The following GLIS3 variants were observed in gnomAD, a reference collection of about 807,000 sequenced individuals.
The protein encoded by GLIS3 is zinc finger protein GLIS3.
Under a neutral mutation model 78.6 loss-of-function variants are expected in GLIS3, and 53 were observed. The observed-to-expected ratio is 0.67, with a 90% CI of 0.54 to 0.85. The LOEUF (loss-of-function observed/expected upper bound fraction) is 0.85. Among genes scored for constraint, GLIS3 ranks in the 40% least tolerant of loss-of-function variants. The pLI is 0.00. For synonymous variants in GLIS3, 684 were observed against 509.9 expected (o/e 1.34, Z -4.60); for missense variants, 1,703 against 1,231.1 (o/e 1.38, Z -5.74).
Position 3,879,568 on chromosome 9 carries a change from C to A in GLIS3, c.2156G>T (p.Ser719Ile), listed in dbSNP as rs963677142. The A allele has an allele frequency of 1.2e-6, 2 of 1,614,042 alleles. No homozygotes were observed. Among genetic ancestry groups the A allele is most frequent in the Non-Finnish European group, 1.7e-6 (2 of 1,180,000 alleles). ...GGCCCCAGCAGCTGTTCCACTTCGG[C>A]TTGAATAATTGCTGGAGAAAATGGG... Reference protein sequence around the residue: ...SAPIFSSNYSSRSGTAAGAVP... With the variant: ...SAPIFSSNYSIRSGTAAGAVP... Residue 719 changes from serine to isoleucine, a missense_variant, in exon 8 of 11, where the codon AGC (serine) becomes ATC (isoleucine). Coordinates refer to ENST00000381971, the MANE Select transcript of GLIS3 (RefSeq NM_001042413.2).
chr9:3,897,683 C>A (rs1822960820), intron 7 of GLIS3, among the ~76,000 whole-genome samples: 1 of 152,194 alleles, frequency 6.6e-6, no homozygotes, highest in South Asian at 2.1e-4. Flanking sequence ...GATGCTCTTG[C>A]AATACTTGCT....
intron 2 of GLIS3, among the ~76,000 whole-genome samples, chr9:4,335,033 C>T (rs1409523010): frequency 2.6e-5 from 4 of 151,432 alleles, no homozygotes; most frequent in African/African-American, 4.9e-5. Context: ...CTCAGCCTCC[C>T]GAGTAGCTGG....
At chr9:4,189,377 G>T (rs1818114695) in intron 2 of GLIS3, among the ~76,000 whole-genome samples, 1 of 152,090 alleles carries the variant, frequency 6.6e-6, no homozygotes, top group African/African-American at 2.4e-5. Context: ...TATAATTTCT[G>T]TTCTTTTATA....
intron 2 of GLIS3, among the ~76,000 whole-genome samples, chr9:4,278,716 GA>G (rs1481984206): frequency 6.6e-6 from 1 of 152,202 alleles, no homozygotes; most frequent in Non-Finnish European, 1.5e-5. Context: ...TGGATGCTAT[GA>G]AAGATTGTTG....
chr9:3,860,061 G>T (rs958046387), intron 8 of GLIS3, among the ~76,000 whole-genome samples: 10 of 152,012 alleles, frequency 6.6e-5, no homozygotes, highest in African/African-American at 2.4e-4. Flanking sequence ...GGATCACGAC[G>T]TCAGGAGATT....
chr9:4,353,384 T>C (rs1817999071), upstream of GLIS3, among the ~76,000 whole-genome samples: 1 of 152,154 alleles, frequency 6.6e-6, no homozygotes, highest in Admixed American at 6.5e-5. Context: ...TTCTTTAAAC[T>C]ATGAGAAGGA....
chr9:4,216,532 T>C (rs369539672), intron 2 of GLIS3, among the ~76,000 whole-genome samples: 22 of 124,018 alleles, frequency 1.8e-4, no homozygotes, highest in African/African-American at 6.0e-4. Flanking sequence ...AAAAAGAAAA[T>C]GTGGGTTGAA....
At chr9:4,448,814 T>C in the GLIS3 span, among the ~76,000 whole-genome samples, 1 of 152,206 alleles carries the variant, frequency 6.6e-6, no homozygotes, top group Non-Finnish European at 1.5e-5. Flanking sequence ...TTGTGGTTTG[T>C]TTGTTTGCTT....
chr9:4,490,173 G>C, the GLIS3 span, among the ~76,000 whole-genome samples: 1 of 152,244 alleles, frequency 6.6e-6, no homozygotes, highest in Non-Finnish European at 1.5e-5. Flanking sequence ...CCGCCTCTCT[G>C]GGTTAGGGAC....
chr9:4,484,128 G>A, the GLIS3 span, among the ~76,000 whole-genome samples: 16 of 152,106 alleles, frequency 1.1e-4, no homozygotes, highest in African/African-American at 3.9e-4. Flanking sequence ...AATTGCCTTT[G>A]CAAAATTATA....
chr9:4,011,537 C>A (rs1822011776), intron 4 of GLIS3, among the ~76,000 whole-genome samples: 1 of 152,176 alleles, frequency 6.6e-6, no homozygotes, highest in Non-Finnish European at 1.5e-5. Flanking sequence ...GATGTACGGG[C>A]AGCCCATTCA....
chr9:4,236,911 A>G (rs1384613319), intron 2 of GLIS3, among the ~76,000 whole-genome samples: 1 of 152,166 alleles, frequency 6.6e-6, no homozygotes, highest in Non-Finnish European at 1.5e-5. Flanking sequence ...CAATTCATTA[A>G]AAATATTTTT....
chr9:4,002,154 T>C (rs191263403), intron 4 of GLIS3, among the ~76,000 whole-genome samples: 17 of 152,292 alleles, frequency 1.1e-4, no homozygotes, highest in Admixed American at 7.8e-4. Flanking sequence ...AGGAAGATCA[T>C]TGAGTAGTAG....
intron 2 of GLIS3, among the ~76,000 whole-genome samples, chr9:4,185,440 C>T (rs552758307): frequency 6.6e-6 from 1 of 152,162 alleles, no homozygotes; most frequent in South Asian, 2.1e-4. Flanking sequence ...TTTGTGTTGA[C>T]GTACTAATAT....
chr9:4,094,195 G>A (rs760462921), intron 4 of GLIS3, among the ~76,000 whole-genome samples: 2 of 152,138 alleles, frequency 1.3e-5, no homozygotes, highest in African/African-American at 4.8e-5. Flanking sequence ...GAGGAACTGA[G>A]GAAAACAAGC....
intron 2 of GLIS3, among the ~76,000 whole-genome samples, chr9:4,321,159 G>T (rs982262790): frequency 6.6e-6 from 1 of 151,128 alleles, no homozygotes; most frequent in Non-Finnish European, 1.5e-5. Context: ...GGTGGCTCAC[G>T]CCTGTAATCC....
rs573394807 is a variant in GLIS3, at chr9:3,979,907, G to A, written c.1711-42718C>T. ...CTCATGTGGCATATATTCCAGCGGGGAGGAGCAGACCGACAGCAGAATGGG... is the reference window on the plus strand; with the variant it reads ...CTCATGTGGCATATATTCCAGCGGGAAGGAGCAGACCGACAGCAGAATGGG... On this transcript the variant is annotated intron_variant, in intron 4 of 10. Coordinates refer to ENST00000381971, the MANE Select transcript of GLIS3 (RefSeq NM_001042413.2). Among the ~76,000 whole-genome samples, 5 of 152,332 alleles carry A rather than the reference G, an allele frequency of 3.3e-5. No individual in the cohort carries two copies. The South Asian group carries it at 1.0e-3, about 32-fold the overall frequency.
At position 4,004,305 on chromosome 9, in the gene GLIS3, T is replaced by C. The variant is rs190597720; in HGVS notation, c.1711-67116A>G. Among the ~76,000 whole-genome samples the C allele has an allele frequency of 1.5e-4, 23 of 152,294 alleles. No individual in the cohort carries two copies. In the East Asian group the frequency reaches 4.2e-3, roughly 28 times the overall value. ...GACTCCTTGATATTTGGTAGGTCAA[T>C]AGAGAAGGACCGTTCTCAGTAAAGA... On this transcript the variant is annotated intron_variant, in intron 4 of 10. Transcript: ENST00000381971.
chr9:4,364,201 T>C, the GLIS3 span, among the ~76,000 whole-genome samples: 1 of 152,248 alleles, frequency 6.6e-6, no homozygotes, highest in African/African-American at 2.4e-5. Flanking sequence ...TATCCCTCAG[T>C]CTACTGAAAA....
Sources: allele counts gnomAD v4.1 joint callset (sites outside exome capture counted in the v4.1 genomes callset), GRCh38; gene constraint gnomAD v4.1.1; transcripts MANE v1.5; gene names NCBI Gene and HGNC (gene_info 2026-07-23, HGNC 2026-07-21).